KCNQ3: variants seen among roughly 807,000 people sequenced by gnomAD.
The protein encoded by KCNQ3 is potassium voltage-gated channel subfamily KQT member 3.
In KCNQ3, 30 loss-of-function variants were observed where a neutral mutation model predicts 92.5. The observed-to-expected ratio is 0.32, with a 90% CI of 0.24 to 0.44. KCNQ3 has a LOEUF of 0.44. KCNQ3 is among the 20% of genes least tolerant of loss of function. The probability of loss-of-function intolerance (pLI) is 1.00; values close to 1 mark genes in which losing one functional copy is unlikely to be tolerated. For missense variants in KCNQ3, 913 were observed against 1,140.3 expected, an observed-to-expected ratio of 0.80 and a Z score of 2.87; for synonymous variants, 450 against 468.8, an observed-to-expected ratio of 0.96 and a Z score of 0.52.
chr8:132,261,554 G>A (rs144768692), intron 1 of KCNQ3, among the ~76,000 whole-genome samples: 138 of 152,274 alleles, frequency 9.1e-4, no homozygotes, highest in African/African-American at 3.2e-3. Flanking sequence ...GTCTTCCCTC[G>A]GCTGGCTGCA....
chr8:132,170,356 C>T lies in KCNQ3; in HGVS notation c.1213G>A (p.Val405Ile). Residue 405 changes from valine to isoleucine, a missense_variant, in exon 8 of 15, where the codon GTC becomes ATC. Around this residue, in one of 6 missense-constraint regions of KCNQ3, gnomAD observed 182 missense variants for 234.5 expected, o/e 0.78. Transcript: ENST00000388996. ...LVATWRFYES[V>I]VSFPFFRKEQ... The stretch of plus-strand genomic sequence containing the variant: ...TGCCTGAAGAAAGGAAAAGAGACGA[C>T]TGATTCATAAAATCTCCATGTCGCC... 1 of 1,613,810 alleles carries T rather than the reference C, an allele frequency of 6.2e-7. No individual in the cohort carries two copies. Among genetic ancestry groups the T allele is most frequent in the Non-Finnish European group, 8.5e-7 (1 of 1,179,858 alleles).
chr8:132,302,266 G>A (rs1402113385), intron 1 of KCNQ3, among the ~76,000 whole-genome samples: 2 of 152,186 alleles, frequency 1.3e-5, no homozygotes, highest in East Asian at 1.9e-4. Context: ...CTGACACAAA[G>A]TAGTTTAAGA....
At chr8:132,233,513 G>T (rs1814706400) in intron 1 of KCNQ3, among the ~76,000 whole-genome samples, 2 of 152,188 alleles carry the variant, frequency 1.3e-5, no homozygotes, top group Admixed American at 6.5e-5. Context: ...TCTTTGAGCT[G>T]CAGCCTTAAC....
rs1474865321 is a variant in KCNQ3, at chr8:132,127,026, C to T, written c.*2236G>A. The T allele has an allele frequency of 1.3e-5, 2 of 152,086 alleles. No individual in the cohort carries two copies. The highest frequency in any genetic ancestry group is 2.9e-5 in the Non-Finnish European group (2 of 68,018). 9.4% of individuals were successfully genotyped at this position (152,086 alleles called of 1,614,324 possible). On this transcript the variant is annotated 3_prime_UTR_variant, in exon 15 of 15. Transcript: ENST00000388996. ...GCATAGTAACATGTTGGATGTTAGG[C>T]AGGTGATCATCTCAAGTGAAAGATT...
At chr8:132,328,258 C>T (rs1818118739) in intron 1 of KCNQ3, among the ~76,000 whole-genome samples, 1 of 152,184 alleles carries the variant, frequency 6.6e-6, no homozygotes, top group Non-Finnish European at 1.5e-5. Context: ...CCTCACCCCA[C>T]TCAGTCTAAC....
chr8:132,141,206 G>A lies in KCNQ3; in HGVS notation c.1388C>T (p.Pro463Leu), dbSNP rs1563769019. The change falls in exon 10 of 15, where the codon CCT becomes CTT. Residue 463 changes from proline (P) to leucine (L), a missense_variant. Physicochemically the swap from Pro to Leu is moderately conservative, Grantham distance 98. Transcript: ENST00000388996. Reference protein sequence around the residue: ...IEESPSKEPKPVGLNNKERFR... With the variant: ...IEESPSKEPKLVGLNNKERFR... ...ACGCTCTTTATTGTTTAAGCCAACAGGCTTTGGTTCTTTAGAAGGACTTTC... is the reference window on the plus strand; with the variant it reads ...ACGCTCTTTATTGTTTAAGCCAACAAGCTTTGGTTCTTTAGAAGGACTTTC... 1 of 1,614,216 alleles carries A rather than the reference G, an allele frequency of 6.2e-7. No individual in the cohort carries two copies. Among genetic ancestry groups the A allele is most frequent in the Non-Finnish European group, 8.5e-7 (1 of 1,180,036 alleles).
chr8:132,447,305 G>A, intron 1 of KCNQ3: 1 of 1,437,760 alleles, frequency 7.0e-7, no homozygotes, highest in Non-Finnish European at 9.5e-7. Flanking sequence ...AGGGCAGAAT[G>A]GGCAGACAAG....
At chr8:132,190,673 C>T (rs1563797292) in intron 1 of KCNQ3, among the ~76,000 whole-genome samples, 1 of 152,338 alleles carries the variant, frequency 6.6e-6, no homozygotes, top group Admixed American at 6.5e-5. Flanking sequence ...TCCATGACTG[C>T]TGCTTCGTGA....
chr8:132,229,650 G>A (rs1274264956), intron 1 of KCNQ3, among the ~76,000 whole-genome samples: 1 of 151,964 alleles, frequency 6.6e-6, no homozygotes, highest in Admixed American at 6.6e-5. Flanking sequence ...GAAATTTGGA[G>A]TCATAAGCCA....
chr8:132,209,450 G>T (rs1166883720), intron 1 of KCNQ3, among the ~76,000 whole-genome samples: 1 of 152,008 alleles, frequency 6.6e-6, no homozygotes, highest in African/African-American at 2.4e-5. Context: ...ATGGAAAATT[G>T]TGCCTGCTCT....
intron 1 of KCNQ3, among the ~76,000 whole-genome samples, chr8:132,198,019 G>A (rs1401688785): frequency 2.6e-5 from 4 of 152,122 alleles, no homozygotes; most frequent in Non-Finnish European, 5.9e-5. Context: ...CTTAAAGTTG[G>A]CTGGGACCTG....
At chr8:132,278,957 T>G (rs1816426859) in intron 1 of KCNQ3, among the ~76,000 whole-genome samples, 1 of 152,146 alleles carries the variant, frequency 6.6e-6, no homozygotes. Context: ...GACTCACGTC[T>G]GTAATCCCAG....
At chr8:132,350,617 A>G (rs1425532581) in intron 1 of KCNQ3, among the ~76,000 whole-genome samples, 4 of 152,196 alleles carry the variant, frequency 2.6e-5, no homozygotes, top group Non-Finnish European at 5.9e-5. Context: ...CTCAGAGTGC[A>G]CCACAGAGCA....
intron 1 of KCNQ3, among the ~76,000 whole-genome samples, chr8:132,367,217 C>T (rs1819346906): frequency 1.3e-5 from 2 of 152,202 alleles, no homozygotes; most frequent in African/African-American, 4.8e-5. Flanking sequence ...ATTGTTTTCT[C>T]TTGCATATTG....
At chr8:132,223,166 GGGAAGAAAGGAT>G (rs201405532) in intron 1 of KCNQ3, among the ~76,000 whole-genome samples, 1 of 152,010 alleles carries the variant, frequency 6.6e-6, no homozygotes, top group African/African-American at 2.4e-5. Context: ...GAAGGAAGGA[GGGAAGAAAGGAT>G]GGAAGAAAGG....
chr8:132,252,992 C>T (rs1815466414), intron 1 of KCNQ3, among the ~76,000 whole-genome samples: 1 of 152,216 alleles, frequency 6.6e-6, no homozygotes, highest in Admixed American at 6.5e-5. Flanking sequence ...ATCCATTTCA[C>T]CACACTCATC....
chr8:132,475,543 A>G (rs1441346794), intron 1 of KCNQ3, among the ~76,000 whole-genome samples: 1 of 152,216 alleles, frequency 6.6e-6, no homozygotes, highest in African/African-American at 2.4e-5. Context: ...CACCTGCCCT[A>G]AAGATCTGTG....
intron 1 of KCNQ3, among the ~76,000 whole-genome samples, chr8:132,190,640 GAGA>G (rs1827128543): frequency 6.6e-6 from 1 of 152,232 alleles, no homozygotes; most frequent in Admixed American, 6.5e-5. Context: ...ACAAGATCCA[GAGA>G]AGAACAAGTC....
chr8:132,166,865 A>G (rs1399401623), intron 8 of KCNQ3, among the ~76,000 whole-genome samples: 3 of 152,186 alleles, frequency 2.0e-5, no homozygotes, highest in Non-Finnish European at 4.4e-5. Flanking sequence ...TGCAGCCACT[A>G]TGGAAAACAG....
Sources: gnomAD v4.1 joint callset for allele counts (sites outside exome capture counted in the v4.1 genomes callset) on GRCh38, gnomAD v4.1.1 for gene constraint, gnomAD v4.1.1 regional missense constraint, MANE v1.5 for transcripts, NCBI Gene and HGNC (gene_info 2026-07-23, HGNC 2026-07-21) for gene names.